Variants in POU2F2 observed in about 807,000 individuals in gnomAD.
POU2F2 encodes the protein POU domain, class 2, transcription factor 2.
POU2F2 carries 14 observed loss-of-function variants against 63.5 expected under a neutral mutation model. The observed-to-expected ratio is 0.22, with a 90% CI of 0.15 to 0.34. The LOEUF (loss-of-function observed/expected upper bound fraction) is 0.34, where lower values mean the gene tolerates loss of function less well. Among genes scored for constraint, POU2F2 ranks in the 10% least tolerant of loss-of-function variants. The pLI is 1.00. For synonymous variants in POU2F2, 306 were observed against 348.6 expected (o/e 0.88, Z 1.36); for missense variants, 607 against 815.2 (o/e 0.74, Z 3.11).
rs1224787539 is a variant in POU2F2, at chr19:42,162,355, A to T, written c.-69-1963T>A. ...GCAGACAACACCTCCAAGTAGAGAG[A>T]CAGTCCATGGGATCTAGGAGCTGTA... On this transcript the variant is annotated intron_variant, in intron 1 of 6. Coordinates refer to the POU2F2 transcript ENST00000524801. The surrounding 1 kb of genome is among the most constrained non-coding windows in gnomAD (Gnocchi z 4.1). Among the ~76,000 whole-genome samples the T allele has an allele frequency of 6.6e-6, 1 of 152,082 alleles. No homozygotes were observed. Among genetic ancestry groups the T allele is most frequent in the African/African-American group, 2.4e-5 (1 of 41,420 alleles).
In POU2F2 at chr19:42,150,319, G is replaced by A. The variant is rs145731795; in HGVS notation, c.-9+10013C>T. On this transcript the variant is annotated intron_variant, in intron 2 of 6. Coordinates refer to the POU2F2 transcript ENST00000524801. Reference sequence around the variant, plus strand: ...GTGGAAGGCTTGGTGGATTATTGAAGATGTGCGGGCACTGCGGCTGACATG... The same window carrying A: ...GTGGAAGGCTTGGTGGATTATTGAAAATGTGCGGGCACTGCGGCTGACATG... 2.1e-3 allele frequency among the ~76,000 whole-genome samples: 314 copies of A among 151,534 alleles called. 2 individuals carry two copies. Among genetic ancestry groups the A allele is most frequent in the South Asian group, 0.01 (48 of 4,782 alleles).
At position 42,152,030 on chromosome 19, in the gene POU2F2, C is replaced by T. The variant is rs868015739; in HGVS notation, c.-9+8302G>A. ...GGGGAAGAGGCCTTCAGACAGTTTT[C>T]CCCTTTTGCCCATGGCTACAGTGAA... is the stretch of plus-strand genomic sequence containing the variant. On this transcript the variant is annotated intron_variant, in intron 2 of 6. Transcript: ENST00000524801. The surrounding 1 kb of genome is among the most constrained non-coding windows in gnomAD (Gnocchi z 4.1). Among the ~76,000 whole-genome samples, 5 of 152,276 alleles carry T rather than the reference C, an allele frequency of 3.3e-5. No homozygotes were observed. Among genetic ancestry groups the T allele is most frequent in the Admixed American group, 1.3e-4 (2 of 15,306 alleles).
chr19:42,129,525 G>A (rs929174965), intron 1 of POU2F2, among the ~76,000 whole-genome samples: 6 of 152,122 alleles, frequency 3.9e-5, no homozygotes, highest in Non-Finnish European at 4.4e-5. Context: ...CCAGCTTCTC[G>A]TTAGCACTTA....
intron 1 of POU2F2, among the ~76,000 whole-genome samples, chr19:42,195,848 C>T (rs568868888): frequency 1.4e-5 from 2 of 146,584 alleles, no homozygotes; most frequent in South Asian, 2.2e-4. Context: ...GGCGTGATTT[C>T]GGCTCACTGC....
In POU2F2 at chr19:42,152,924, C is replaced by T. The variant is rs888015269; in HGVS notation, c.-9+7408G>A. ...GGGTTCAGAGAGACACTGTCCTGAG[C>T]CCATGAGGCAGGGGAAGGTCTGGGG... On this transcript the variant is annotated intron_variant, in intron 2 of 6. Coordinates refer to the POU2F2 transcript ENST00000524801. The surrounding 1 kb of genome is among the most constrained non-coding windows in gnomAD (Gnocchi z 4.1). Among the ~76,000 whole-genome samples, 5 of 152,144 alleles carry T rather than the reference C, an allele frequency of 3.3e-5. No homozygotes were observed. Among genetic ancestry groups the T allele is most frequent in the African/African-American group, 9.7e-5 (4 of 41,400 alleles).
At chr19:42,097,339 A>G (rs1446295033) in intron 7 of POU2F2, among the ~76,000 whole-genome samples, 1 of 151,890 alleles carries the variant, frequency 6.6e-6, no homozygotes, top group Non-Finnish European at 1.5e-5. Flanking sequence ...CTGGGATTAT[A>G]GGCATACGCC....
intron 1 of POU2F2, among the ~76,000 whole-genome samples, chr19:42,165,749 T>A (rs1382613155): frequency 6.6e-6 from 1 of 152,146 alleles, no homozygotes; most frequent in East Asian, 1.9e-4. Flanking sequence ...ACCGTGCTTA[T>A]AGGGAACTTA....
chr19:42,154,103 C>G (rs892256314), intron 2 of POU2F2, among the ~76,000 whole-genome samples: 2 of 151,566 alleles, frequency 1.3e-5, no homozygotes, highest in East Asian at 1.9e-4. Context: ...CCGCTCCCCC[C>G]GCCCTCCCCC....
chr19:42,194,125 G>A (rs928554382), intron 1 of POU2F2, among the ~76,000 whole-genome samples: 2 of 152,186 alleles, frequency 1.3e-5, no homozygotes, highest in African/African-American at 4.8e-5. Context: ...GGTGGCTCAT[G>A]CCTGTAATCC....
At chr19:42,167,312 G>A (rs1037368603) in intron 1 of POU2F2, among the ~76,000 whole-genome samples, 3 of 152,096 alleles carry the variant, frequency 2.0e-5, no homozygotes, top group South Asian at 2.1e-4. Flanking sequence ...AAATTAGGTA[G>A]GCATGGTGGC....
At chr19:42,141,896 G>A (rs990837367) in intron 2 of POU2F2, among the ~76,000 whole-genome samples, 2 of 152,188 alleles carry the variant, frequency 1.3e-5, no homozygotes, top group Non-Finnish European at 1.5e-5. Context: ...AGATGCCACC[G>A]ATAGGACAGT....
At position 42,096,106 on chromosome 19, in the gene POU2F2, G is replaced by A; in HGVS notation, c.705C>T (p.Arg235=). ...LEQFARTFKQ[R]RIKLGFTQGD... is the part of the protein sequence containing the mutation. ...CCTGCGTGAAGCCCAGCTTGATGCG[G>A]CGTTGCTTGAAGGTGCGGGCGAATT... The change falls in exon 8 of 15, where the codon CGC becomes CGT. Residue 235 remains arginine (R), a synonymous_variant. Transcript: ENST00000692977. The surrounding 1 kb of genome is among the most constrained non-coding windows in gnomAD (Gnocchi z 4.1). The A allele has an allele frequency of 3.7e-6, 6 of 1,613,830 alleles. No homozygotes were observed. The highest frequency in any genetic ancestry group is 5.1e-6 in the Non-Finnish European group (6 of 1,179,846).
Position 42,095,971 on chromosome 19 carries a change from G to A in POU2F2, c.730-42C>T, listed in dbSNP as rs374392907. ...GGGAAGGGCCCGAAGTCAGGGTGGG[G>A]CCTTCCGGCACTGGGCCCGCTCCGC... On this transcript the variant is annotated intron_variant, in intron 8 of 14. Coordinates refer to ENST00000692977, the MANE Select transcript of POU2F2 (RefSeq NM_001394376.1). The surrounding 1 kb of genome is among the most constrained non-coding windows in gnomAD (Gnocchi z 7.1). The A allele has an allele frequency of 9.3e-6, 15 of 1,605,094 alleles. No individual in the cohort carries two copies. The highest frequency in any genetic ancestry group is 1.3e-5 in the Non-Finnish European group (15 of 1,175,762).
upstream of POU2F2, chr19:42,177,107 T>TGCCCGCC (rs2034900584): frequency 7.3e-6 from 1 of 137,354 alleles, no homozygotes; most frequent in Non-Finnish European, 1.6e-5. Context: ...AGGAGGAGGC[T>TGCCCGCC]GCCCGCCGCC....
rs80179068 is a variant in POU2F2 at position 42,111,272 on chromosome 19, A to C, written c.369+5978T>G. Reference sequence around the variant, plus strand: ...AGCTTGGGGGCTATGGGCATGCATCACCACACCTGGTTAATTTTTTTTTTT... The same window carrying C: ...AGCTTGGGGGCTATGGGCATGCATCCCCACACCTGGTTAATTTTTTTTTTT... On this transcript the variant is annotated intron_variant, in intron 5 of 14. Transcript: ENST00000692977. Among the ~76,000 whole-genome samples the C allele has an allele frequency of 7.8e-3, 1,180 of 151,658 alleles. 11 individuals carry two copies. The highest frequency in any genetic ancestry group is 0.013 in the Non-Finnish European group (875 of 67,916).
At chr19:42,173,978 G>C (rs1836187583) in intron 1 of POU2F2, among the ~76,000 whole-genome samples, 1 of 152,172 alleles carries the variant, frequency 6.6e-6, no homozygotes, top group Non-Finnish European at 1.5e-5. Flanking sequence ...CCTGACATGG[G>C]ACGCTTTGTT....
intron 2 of POU2F2, among the ~76,000 whole-genome samples, chr19:42,144,522 G>A (rs2034192163): frequency 6.6e-6 from 1 of 152,232 alleles, no homozygotes; most frequent in South Asian, 2.1e-4. Context: ...GGCCCACTGT[G>A]CCAGACCTTG....
At chr19:42,160,593 C>G (rs986457538) in intron 1 of POU2F2, among the ~76,000 whole-genome samples, 2 of 152,222 alleles carry the variant, frequency 1.3e-5, no homozygotes, top group African/African-American at 4.8e-5. Context: ...CTCTGAGCCT[C>G]TGTGTCCCCA....
In POU2F2 at chr19:42,089,564, A is replaced by G. The variant is rs16975663; in HGVS notation, c.*1693T>C. ...CGCCCCCTCCGGCTTTCCCAAAGAC[A>G]ACGTCCATGAGGTATTTGTGAAGAG... is the stretch of plus-strand genomic sequence containing the variant. On this transcript the variant is annotated 3_prime_UTR_variant, in exon 15 of 15. Coordinates refer to ENST00000692977, the MANE Select transcript of POU2F2 (RefSeq NM_001394376.1). 20,974 of 151,904 alleles carry G rather than the reference A, an allele frequency of 0.14. 1,608 individuals carry two copies. The highest frequency in any genetic ancestry group is 0.2 in the Middle Eastern group (58 of 292). 9.4% of individuals were successfully genotyped at this position (151,904 alleles called of 1,614,324 possible).
Sources: allele counts gnomAD v4.1 joint callset (sites outside exome capture counted in the v4.1 genomes callset), GRCh38; gene constraint gnomAD v4.1.1; non-coding constraint Gnocchi (gnomAD v3.1); transcripts MANE v1.5; gene names NCBI Gene and HGNC (gene_info 2026-07-23, HGNC 2026-07-21).